POU2AF1: variants seen among roughly 807,000 people sequenced by gnomAD.
The protein encoded by POU2AF1 is POU domain class 2-associating factor 1.
Under a neutral mutation model 26.3 loss-of-function variants are expected in POU2AF1, and 12 were observed. The observed-to-expected ratio is 0.46, with a 90% confidence interval of 0.29 to 0.74. POU2AF1 has a LOEUF of 0.74. Ranked by LOEUF, POU2AF1 falls within the 30% of genes least tolerant of loss-of-function variation. The pLI is 0.09. For synonymous variants in POU2AF1, 175 were observed against 148.0 expected (o/e 1.18, Z -1.32); for missense variants, 297 against 334.5 (o/e 0.89, Z 0.87).
chr11:111,365,870 A>G (rs905860132), intron 1 of POU2AF1, among the ~76,000 whole-genome samples: 2 of 152,170 alleles, frequency 1.3e-5, no homozygotes, highest in Non-Finnish European at 2.9e-5. Context: ...AAAAAAAAAA[A>G]AAAGAATTGT....
In POU2AF1 at chr11:111,354,182, A is replaced by T. The variant is rs1018247874; in HGVS notation, c.*79T>A. 1 of 1,485,574 alleles carries T rather than the reference A, an allele frequency of 6.7e-7. No individual in the cohort carries two copies. Among genetic ancestry groups the T allele is most frequent in the Non-Finnish European group, 9.2e-7 (1 of 1,084,030 alleles). The allele number at this position is 1,485,574 out of a possible 1,614,324, so 92.0% of individuals were successfully genotyped here. On this transcript the variant is annotated 3_prime_UTR_variant, in exon 5 of 5. Coordinates refer to ENST00000393067, the MANE Select transcript of POU2AF1 (RefSeq NM_006235.3). ...TAGTCATGAAATGACTACTCCAAAC[A>T]AGCATGAACCTGGGGCTCAATTCCA...
chr11:111,365,656 G>A (rs986023945), intron 1 of POU2AF1, among the ~76,000 whole-genome samples: 3 of 152,102 alleles, frequency 2.0e-5, no homozygotes, highest in Admixed American at 6.5e-5. Flanking sequence ...CACAATAGTC[G>A]TTGTCACCTT....
chr11:111,369,390 G>A (rs529401850), intron 1 of POU2AF1, among the ~76,000 whole-genome samples: 1 of 152,272 alleles, frequency 6.6e-6, no homozygotes, highest in Non-Finnish European at 1.5e-5. Context: ...GAGTATGATG[G>A]CATTCCCTTG....
chr11:111,378,809 C>T (rs1364327494), intron 1 of POU2AF1, among the ~76,000 whole-genome samples: 3 of 152,214 alleles, frequency 2.0e-5, no homozygotes, highest in African/African-American at 7.2e-5. Context: ...CTTTTCCCTC[C>T]CAACCCCAAA....
intron 1 of POU2AF1, among the ~76,000 whole-genome samples, chr11:111,372,269 C>T (rs1203044541): frequency 2.6e-5 from 4 of 152,106 alleles, no homozygotes; most frequent in Admixed American, 6.5e-5. Flanking sequence ...TTCTCTGAGC[C>T]TTTTATTATA....
chr11:111,353,644 G>A lies in POU2AF1; in HGVS notation c.*617C>T, dbSNP rs79466577. 2.6e-5 allele frequency: 6 copies of A among 234,372 alleles called. No homozygotes were observed. Among genetic ancestry groups the A allele is most frequent in the Non-Finnish European group, 4.2e-5 (5 of 118,942 alleles). The allele number at this position is 234,372 out of a possible 1,614,324, so 14.5% of individuals were successfully genotyped here. ...TTGGCTGACTTTCTCAGGAGGTGCT[G>A]TCGGGGCTGGTCTTCCCGCCGGCCA... On this transcript the variant is annotated 3_prime_UTR_variant, in exon 5 of 5. Transcript: ENST00000393067.
intron 2 of POU2AF1, among the ~76,000 whole-genome samples, chr11:111,358,232 T>G (rs1860892911): frequency 6.6e-6 from 1 of 151,914 alleles, no homozygotes; most frequent in Non-Finnish European, 1.5e-5. Flanking sequence ...CCTGCGCTCC[T>G]TCCTGCCTGA....
Position 111,357,806 on chromosome 11 carries a change from T to C in POU2AF1, c.179A>G (p.Tyr60Cys). The C allele has an allele frequency of 5.6e-6, 9 of 1,612,806 alleles. No homozygotes were observed. Among genetic ancestry groups the C allele is most frequent in the Non-Finnish European group, 7.6e-6 (9 of 1,179,548 alleles). ...VVLPHQPLAT[Y>C]TTVGPSCLDM... ...CGGGGCACTCTTACCCACTGTGGTGTAGGTCGCCAGGGGCTGATGGGGCAG... is the reference window on the plus strand; with the variant it reads ...CGGGGCACTCTTACCCACTGTGGTGCAGGTCGCCAGGGGCTGATGGGGCAG... Residue 60 changes from tyrosine to cysteine, a missense_variant, in exon 3 of 5, where the codon TAC (tyrosine) becomes TGC (cysteine). Coordinates refer to ENST00000393067, the MANE Select transcript of POU2AF1 (RefSeq NM_006235.3).
chr11:111,371,991 A>G (rs1861217387), intron 1 of POU2AF1, among the ~76,000 whole-genome samples: 1 of 151,278 alleles, frequency 6.6e-6, no homozygotes, highest in Non-Finnish European at 1.5e-5. Context: ...CCTACTCTCT[A>G]CATCTTACTC....
At position 111,359,915 on chromosome 11, in the gene POU2AF1, AG is replaced by A. The variant is rs1376195547; in HGVS notation, c.17-998del. 5.4e-5 allele frequency: 28 copies of A among 518,764 alleles called. No homozygotes were observed. In the East Asian group the frequency reaches 1.5e-3, roughly 27 times the overall value. 32.1% of individuals were successfully genotyped at this position (518,764 alleles called of 1,614,324 possible). Reference sequence around the variant, plus strand: ...CACCTCTCCTACACCTTTAGGATTGAGGCAAGTGGCTCCCAGGTTCTCAGTG... The same window carrying A: ...CACCTCTCCTACACCTTTAGGATTGAGCAAGTGGCTCCCAGGTTCTCAGTG... On this transcript the variant is annotated intron_variant, in intron 1 of 4. Coordinates refer to ENST00000393067, the MANE Select transcript of POU2AF1 (RefSeq NM_006235.3).
intron 1 of POU2AF1, chr11:111,364,341 C>T (rs1203015447): frequency 1.3e-5 from 2 of 152,218 alleles, no homozygotes; most frequent in African/African-American, 4.8e-5. Context: ...TATGGTGCTC[C>T]AGTTCCTTGA....
chr11:111,353,997 A>C lies in POU2AF1; in HGVS notation c.*264T>G. The C allele has an allele frequency of 6.0e-6, 2 of 333,872 alleles. No homozygotes were observed. Among genetic ancestry groups the C allele is most frequent in the Non-Finnish European group, 5.3e-6 (1 of 188,104 alleles). The allele number at this position is 333,872 out of a possible 1,614,324, so 20.7% of individuals were successfully genotyped here. ...TGGAAAGGGAGAAGGGAAGGAGGGA[A>C]GGAAGGGAGGGAGGAAAAGGAAGGA... On this transcript the variant is annotated 3_prime_UTR_variant, in exon 5 of 5. Transcript: ENST00000393067.
chr11:111,352,963 GAGGAAGGAAGGA>G lies in POU2AF1; in HGVS notation c.*1286_*1297del, dbSNP rs1187817196. On this transcript the variant is annotated 3_prime_UTR_variant, in exon 5 of 5. Coordinates refer to ENST00000393067, the MANE Select transcript of POU2AF1 (RefSeq NM_006235.3). Reference sequence around the variant, plus strand: ...AAACCAAAAAAAAGAAAGAAAGAGAGAGGAAGGAAGGAAGGAAGGAAGGAAGGAAAGAAGGAA... The same window carrying G: ...AAACCAAAAAAAAGAAAGAAAGAGAGAGGAAGGAAGGAAGGAAAGAAGGAA... The G allele has an allele frequency of 3.8e-4, 53 of 137,996 alleles. 2 individuals are homozygous for G. The highest frequency in any genetic ancestry group is 1.7e-3 in the African/African-American group (50 of 28,890). 8.5% of individuals were successfully genotyped at this position (137,996 alleles called of 1,614,324 possible).
At chr11:111,372,051 C>CAGAGAGAGAGAGAGAGAGAG (rs1374875953) in intron 1 of POU2AF1, among the ~76,000 whole-genome samples, 1 of 101,662 alleles carries the variant, frequency 9.8e-6, no homozygotes, top group African/African-American at 3.9e-5. Context: ...CACACACACA[C>CAGAGAGAGAGAGAGAGAGAG]ACACACACAC....
Position 111,379,053 on chromosome 11 carries a change from C to T in POU2AF1, c.16+109G>A, listed in dbSNP as rs371866302. 8.7e-6 allele frequency: 12 copies of T among 1,372,314 alleles called. No individual in the cohort carries two copies. The East Asian group carries it at 9.2e-5, about 11-fold the overall frequency. 85.0% of individuals were successfully genotyped at this position (1,372,314 alleles called of 1,614,324 possible). ...GGCTTGGAACCCAGACCCCCTCCCC[C>T]CGTGGCCCCATCACCTCCACCACCA... On this transcript the variant is annotated intron_variant, in intron 1 of 4. Transcript: ENST00000393067.
intron 1 of POU2AF1, among the ~76,000 whole-genome samples, chr11:111,373,097 A>G (rs886204854): frequency 1.3e-5 from 2 of 152,238 alleles, no homozygotes; most frequent in African/African-American, 4.8e-5. Flanking sequence ...TTTATGTGAG[A>G]GAAAGGACAC....
intron 1 of POU2AF1, among the ~76,000 whole-genome samples, chr11:111,371,414 T>A (rs1344556944): frequency 6.6e-6 from 1 of 152,158 alleles, no homozygotes; most frequent in Non-Finnish European, 1.5e-5. Context: ...CTCAGTCCAA[T>A]CTTGTGAATT....
At chr11:111,365,756 C>G (rs1861092920) in intron 1 of POU2AF1, among the ~76,000 whole-genome samples, 1 of 151,892 alleles carries the variant, frequency 6.6e-6, no homozygotes. Context: ...ACTCAGGAGG[C>G]TGAGGCAGGA....
chr11:111,368,680 T>A (rs1455917453), intron 1 of POU2AF1, among the ~76,000 whole-genome samples: 1 of 152,224 alleles, frequency 6.6e-6, no homozygotes, highest in Non-Finnish European at 1.5e-5. Flanking sequence ...TGAGAAGCAG[T>A]GTGGTACAGT....
Sources: gnomAD v4.1 joint callset for allele counts (sites outside exome capture counted in the v4.1 genomes callset) on GRCh38, gnomAD v4.1.1 for gene constraint, MANE v1.5 for transcripts, NCBI Gene and HGNC (gene_info 2026-07-23, HGNC 2026-07-21) for gene names.